The following FAF1 variants were observed in gnomAD, a reference collection of about 807,000 sequenced individuals.
FAF1 encodes FAS-associated factor 1.
FAF1 carries 25 observed loss-of-function variants against 92.5 expected under a neutral mutation model. The ratio of observed to expected loss-of-function variants is 0.27; its 90% CI spans 0.20 to 0.38. The LOEUF (loss-of-function observed/expected upper bound fraction) is 0.38. FAF1 is among the 10% of genes least tolerant of loss of function. FAF1 has a pLI of 1.00. For synonymous variants in FAF1, 234 were observed against 273.2 expected, an observed-to-expected ratio of 0.86 and a Z score of 1.42; for missense variants, 636 against 793.3, an observed-to-expected ratio of 0.80 and a Z score of 2.38.
chr1:50,744,737 G>A lies in FAF1; in HGVS notation c.406C>T (p.Pro136Ser), dbSNP rs1659519385. 9 of 1,610,016 alleles carry A rather than the reference G, an allele frequency of 5.6e-6. No homozygotes were observed. In the East Asian group the frequency reaches 2.0e-4, roughly 36 times the overall value. Residue 136 changes from proline (P) to serine (S), a missense_variant, in exon 5 of 19, where the codon CCT (proline) becomes TCT (serine). Physicochemically the swap from Pro to Ser is moderately conservative, Grantham distance 74 (BLOSUM62 -1). Transcript: ENST00000396153. ...CCTTTTAACAGCATTTTGGACACAGGTATCTGAAGTTCATTTTCTAGAATC... is the reference window on the plus strand; with the variant it reads ...CCTTTTAACAGCATTTTGGACACAGATATCTGAAGTTCATTTTCTAGAATC... ...KQILENELQIPVSKMLLKGWK... is the reference protein window; with the variant it reads ...KQILENELQISVSKMLLKGWK...
chr1:50,810,138 C>T (rs1662363518), intron 2 of FAF1, among the ~76,000 whole-genome samples: 1 of 152,090 alleles, frequency 6.6e-6, no homozygotes, highest in South Asian at 2.1e-4. Flanking sequence ...GCCTGTAGTC[C>T]CAGCTACTTG....
intron 2 of FAF1, among the ~76,000 whole-genome samples, chr1:50,819,791 A>G (rs1028272711): frequency 7.0e-5 from 7 of 99,558 alleles, no homozygotes; most frequent in African/African-American, 2.2e-4. Flanking sequence ...ATATATACAT[A>G]TATATATATA....
At chr1:50,490,690 A>C (rs766503340) in intron 16 of FAF1, 25 bp from the exon 17 acceptor site, 1 of 1,414,334 alleles carries the variant, frequency 7.1e-7, no homozygotes, top group East Asian at 2.3e-5. Flanking sequence ...GAAAAGGAAC[A>C]AGCACTTAAC....
At chr1:50,523,841 T>C (rs1647639935) in intron 15 of FAF1, among the ~76,000 whole-genome samples, 1 of 152,220 alleles carries the variant, frequency 6.6e-6, no homozygotes, top group Admixed American at 6.5e-5. Context: ...TGAACAGTGT[T>C]GCAATGAACA....
At chr1:50,478,683 TCA>T (rs2149000942) in intron 17 of FAF1, among the ~76,000 whole-genome samples, 1 of 152,344 alleles carries the variant, frequency 6.6e-6, no homozygotes, top group South Asian at 2.1e-4. Context: ...TTAAGTAAAT[TCA>T]CAATGTTGTA....
intron 10 of FAF1, among the ~76,000 whole-genome samples, chr1:50,584,435 T>C (rs902872756): frequency 1.3e-5 from 2 of 152,120 alleles, no homozygotes; most frequent in Admixed American, 6.5e-5. Flanking sequence ...CATAATTCAT[T>C]ATACATGTAA....
chr1:50,452,716 C>T (rs12142848), intron 18 of FAF1, among the ~76,000 whole-genome samples: 7,340 of 152,230 alleles, frequency 0.048, 211 homozygotes, highest in East Asian at 0.075. Context: ...CTGAGAGATC[C>T]TGATTATTGT....
At chr1:50,666,483 C>T (rs760188483) in intron 7 of FAF1, among the ~76,000 whole-genome samples, 1 of 152,108 alleles carries the variant, frequency 6.6e-6, no homozygotes, top group African/African-American at 2.4e-5. Context: ...GCTGGGATTA[C>T]AGGTTGTAAG....
At chr1:50,452,107 A>C (rs1192850009) in intron 18 of FAF1, 1 of 1,347,804 alleles carries the variant, frequency 7.4e-7, no homozygotes, top group Non-Finnish European at 9.8e-7. Context: ...AGATGATCCA[A>C]GTCTTCAGAA....
At chr1:50,923,166 C>T (rs1644979003) in intron 1 of FAF1, among the ~76,000 whole-genome samples, 1 of 152,190 alleles carries the variant, frequency 6.6e-6, no homozygotes, top group African/African-American at 2.4e-5. Context: ...CACCTATAAT[C>T]TCAATGCTTT....
intron 1 of FAF1, among the ~76,000 whole-genome samples, chr1:50,867,548 A>C (rs1394303683): frequency 6.6e-6 from 1 of 152,208 alleles, no homozygotes; most frequent in Non-Finnish European, 1.5e-5. Context: ...TCTCAAAAGA[A>C]GACATACAAA....
intron 7 of FAF1, among the ~76,000 whole-genome samples, chr1:50,694,792 CAAAAAAAA>C (rs371721063): frequency 1.4e-4 from 8 of 55,846 alleles, no homozygotes; most frequent in South Asian, 4.4e-4. Flanking sequence ...CTAAAAAATA[CAAAAAAAA>C]AAAAAAAAAA....
intron 15 of FAF1, among the ~76,000 whole-genome samples, chr1:50,524,021 C>T (rs530581850): frequency 5.9e-5 from 9 of 152,200 alleles, no homozygotes; most frequent in Admixed American, 1.3e-4. Flanking sequence ...AGTGTGTAAG[C>T]GCTCTCTTTT....
intron 6 of FAF1, among the ~76,000 whole-genome samples, chr1:50,725,442 A>G (rs1049678665): frequency 6.6e-6 from 1 of 152,156 alleles, no homozygotes; most frequent in African/African-American, 2.4e-5. Context: ...CCAAGGACAA[A>G]AACAAAAAGA....
At chr1:50,715,928 G>C (rs1471173747) in intron 6 of FAF1, among the ~76,000 whole-genome samples, 1 of 152,050 alleles carries the variant, frequency 6.6e-6, no homozygotes, top group East Asian at 1.9e-4. Context: ...TATATTATTA[G>C]CTTACATATA....
At chr1:50,553,454 C>A (rs1403140750) in intron 13 of FAF1, among the ~76,000 whole-genome samples, 1 of 152,134 alleles carries the variant, frequency 6.6e-6, no homozygotes, top group African/African-American at 2.4e-5. Context: ...AGAATCTGAA[C>A]CCCAAATGAT....
At chr1:50,619,887 A>G (rs1569596800) in intron 8 of FAF1, among the ~76,000 whole-genome samples, 1 of 151,202 alleles carries the variant, frequency 6.6e-6, no homozygotes, top group Non-Finnish European at 1.5e-5. Context: ...GCCAATGAAT[A>G]GTAGATTTGG....
At chr1:50,801,936 C>T (rs769542253) in intron 2 of FAF1, among the ~76,000 whole-genome samples, 7 of 152,094 alleles carry the variant, frequency 4.6e-5, no homozygotes, top group Non-Finnish European at 7.4e-5. Flanking sequence ...TTCCACAGTT[C>T]TGATTCAGGC....
Position 50,664,094 on chromosome 1 carries a change from T to G in FAF1, c.658-8566A>C, listed in dbSNP as rs1421600716. Among the ~76,000 whole-genome samples the G allele has an allele frequency of 1.3e-5, 2 of 148,192 alleles. 1 individual carries two copies. Among genetic ancestry groups the G allele is most frequent in the African/African-American group, 5.1e-5 (2 of 39,376 alleles). On this transcript the variant is annotated intron_variant, in intron 7 of 18. Coordinates refer to ENST00000396153, the MANE Select transcript of FAF1 (RefSeq NM_007051.3). ...CTCACTGCAACTTCTGCCTCCGGGG[T>G]TCAAGCAATTCTCCTGCCTCAGCCT...
Sources: allele counts gnomAD v4.1 joint callset (sites outside exome capture counted in the v4.1 genomes callset), GRCh38; gene constraint gnomAD v4.1.1; transcripts MANE v1.5; gene names NCBI Gene and HGNC (gene_info 2026-07-23, HGNC 2026-07-21).